The following AP1G1 variants were observed in gnomAD, a reference collection of about 807,000 sequenced individuals.
AP1G1 encodes the protein adaptor related protein complex 1 subunit gamma 1.
A neutral mutation model predicts 108.3 loss-of-function variants in AP1G1; 7 were observed. The ratio of observed to expected loss-of-function variants is 0.06; its 90% CI spans 0.04 to 0.12. The LOEUF is 0.12. Among genes scored for constraint, AP1G1 ranks in the 10% least tolerant of loss-of-function variants. The pLI is 1.00. For missense variants in AP1G1, 756 were observed against 1,010.7 expected, an observed-to-expected ratio of 0.75 and a Z score of 3.42; for synonymous variants, 379 against 353.5, an observed-to-expected ratio of 1.07 and a Z score of -0.81.
chr16:71,756,176 A>G lies in AP1G1; in HGVS notation c.1089-17T>C. 6.2e-7 allele frequency: 1 copy of G among 1,600,328 alleles called. No individual in the cohort carries two copies. The highest frequency in any genetic ancestry group is 1.1e-5 in the South Asian group (1 of 88,468). ...ATTGCACGCCTTGCAGAAGGGAAAA[A>G]TTAAAAACAGTTAAGAAATTTATAG... is the stretch of plus-strand genomic sequence containing the variant. On this transcript the variant is annotated splice_polypyrimidine_tract_variant and intron_variant, in intron 11 of 22. Coordinates refer to ENST00000299980, the MANE Select transcript of AP1G1 (RefSeq NM_001128.6).
chr16:71,792,058 G>C (rs2032422728), intron 1 of AP1G1, among the ~76,000 whole-genome samples: 1 of 152,088 alleles, frequency 6.6e-6, no homozygotes, highest in African/African-American at 2.4e-5. Flanking sequence ...CACCACGCCA[G>C]GCCAACACTA....
chr16:71,730,357 G>C lies in AP1G1; in HGVS notation c.*2701C>G, dbSNP rs1161937708. The C allele has an allele frequency of 6.6e-6, 1 of 152,270 alleles. No homozygotes were observed. Among genetic ancestry groups the C allele is most frequent in the Non-Finnish European group, 1.5e-5 (1 of 68,034 alleles). 9.4% of individuals were successfully genotyped at this position (152,270 alleles called of 1,614,324 possible). A position where few individuals can be genotyped will look rare whatever the true frequency, so the allele number is the denominator to read the frequency against. ...GACTCTTGAAGAGGGAAATAATGAAGTACAAGTGCATGTGAAATTGTCAAA... is the reference window on the plus strand; with the variant it reads ...GACTCTTGAAGAGGGAAATAATGAACTACAAGTGCATGTGAAATTGTCAAA... On this transcript the variant is annotated 3_prime_UTR_variant, in exon 23 of 23. Transcript: ENST00000299980.
chr16:71,808,703 C>G (rs746333549), intron 1 of AP1G1, 60 bp downstream of exon 1: 1 of 1,285,532 alleles, frequency 7.8e-7, no homozygotes, highest in South Asian at 1.2e-5. Context: ...CGGTCGAGCG[C>G]CCGCGGCAGC....
At chr16:71,796,221 GA>G (rs201981982) in intron 1 of AP1G1, among the ~76,000 whole-genome samples, 2,228 of 152,230 alleles carry the variant, frequency 0.015, 26 homozygotes, top group Non-Finnish European at 0.024. Flanking sequence ...CCTGGGTTGT[GA>G]AGTAAGACCG....
chr16:71,797,754 G>A (rs571645789), intron 1 of AP1G1, among the ~76,000 whole-genome samples: 5 of 152,098 alleles, frequency 3.3e-5, no homozygotes, highest in South Asian at 2.1e-4. Context: ...ACCTGAGATC[G>A]TGCCACTGCA....
intron 6 of AP1G1, chr16:71,766,410 G>A: frequency 4.3e-6 from 2 of 468,390 alleles, no homozygotes; most frequent in Non-Finnish European, 8.9e-6. Context: ...TTACTGCCAA[G>A]CCGAAGATGT....
chr16:71,733,295 A>G, intron 22 of AP1G1, 136 bp from the exon 23 acceptor site: 1 of 656,736 alleles, frequency 1.5e-6, no homozygotes, highest in Non-Finnish European at 2.6e-6. Context: ...CAGGTAAACA[A>G]CAACAAAAAA....
chr16:71,807,937 A>T, intron 1 of AP1G1: 2 of 1,269,090 alleles, frequency 1.6e-6, no homozygotes, highest in Non-Finnish European at 2.0e-6. Flanking sequence ...TCCACATATG[A>T]GAAAACATTT....
At chr16:71,783,539 AT>A (rs898116928) in intron 2 of AP1G1, among the ~76,000 whole-genome samples, 187 of 152,042 alleles carry the variant, frequency 1.2e-3, no homozygotes, top group African/African-American at 4.1e-3. Flanking sequence ...TTTAAAGGAA[AT>A]TTTTTTTTAA....
Position 71,753,827 on chromosome 16 carries a change from A to AC in AP1G1, c.1284+5dup, listed in dbSNP as rs747822211. On this transcript the variant is annotated splice_donor_region_variant and intron_variant, in intron 13 of 22. Transcript: ENST00000299980. Reference sequence around the variant, plus strand: ...TCGTATATGCTGTCTGAAAGAAGCTACTTACCGTTGTCAAAACACGCATAA... The same window carrying AC: ...TCGTATATGCTGTCTGAAAGAAGCTACCTTACCGTTGTCAAAACACGCATAA... 2 of 1,613,370 alleles carry AC rather than the reference A, an allele frequency of 1.2e-6. No individual in the cohort carries two copies. The highest frequency in any genetic ancestry group is 1.7e-6 in the Non-Finnish European group (2 of 1,179,250).
intron 16 of AP1G1, among the ~76,000 whole-genome samples, chr16:71,747,653 G>GA (rs958166802): frequency 1.4e-4 from 21 of 145,184 alleles, no homozygotes; most frequent in East Asian, 4.0e-4. Flanking sequence ...AACTTAAAAA[G>GA]AAAAAAAAAA....
intron 2 of AP1G1, among the ~76,000 whole-genome samples, chr16:71,774,893 G>A (rs537782955): frequency 1.7e-4 from 26 of 151,104 alleles, no homozygotes; most frequent in Admixed American, 1.7e-3. Context: ...GCTAATTTTT[G>A]CATTTTTAGT....
intron 1 of AP1G1, among the ~76,000 whole-genome samples, chr16:71,804,913 T>G (rs58956690): frequency 1.8e-4 from 28 of 152,022 alleles, no homozygotes; most frequent in African/African-American, 6.5e-4. Flanking sequence ...GAGGCTGAAG[T>G]GGGAGGATCA....
chr16:71,785,242 A>G (rs1448206233), intron 2 of AP1G1, among the ~76,000 whole-genome samples: 2 of 152,138 alleles, frequency 1.3e-5, no homozygotes, highest in Non-Finnish European at 2.9e-5. Flanking sequence ...TTTATAAAGT[A>G]GACTCACATA....
intron 11 of AP1G1, 53 bp downstream of exon 11, chr16:71,758,755 T>G: frequency 9.5e-7 from 1 of 1,049,978 alleles, no homozygotes; most frequent in South Asian, 1.4e-5. Flanking sequence ...ATCAATAATC[T>G]GTCACTCAAT....
At position 71,730,835 on chromosome 16, in the gene AP1G1, T is replaced by A. The variant is rs2045468976; in HGVS notation, c.*2223A>T. Reference sequence around the variant, plus strand: ...ATGATCATAAACTCTACCTCGAAACTATGATCACCCAAGGAAATGCTCTGT... The same window carrying A: ...ATGATCATAAACTCTACCTCGAAACAATGATCACCCAAGGAAATGCTCTGT... On this transcript the variant is annotated 3_prime_UTR_variant, in exon 23 of 23. Coordinates refer to ENST00000299980, the MANE Select transcript of AP1G1 (RefSeq NM_001128.6). 6.6e-6 allele frequency: 1 copy of A among 152,594 alleles called. No individual in the cohort carries two copies. Among genetic ancestry groups the A allele is most frequent in the Admixed American group, 6.5e-5 (1 of 15,284 alleles). The allele number at this position is 152,594 out of a possible 1,614,324, so 9.5% of individuals were successfully genotyped here. A position where few individuals can be genotyped will look rare whatever the true frequency, so the allele number is the denominator to read the frequency against.
intron 6 of AP1G1, among the ~76,000 whole-genome samples, chr16:71,769,232 G>A (rs150122753): frequency 0.014 from 2,134 of 150,892 alleles, 37 homozygotes; most frequent in African/African-American, 0.047. Flanking sequence ...GCAGTGAGCT[G>A]AGATCACGCC....
At chr16:71,762,888 G>C (rs995572635) in intron 9 of AP1G1, among the ~76,000 whole-genome samples, 3 of 152,202 alleles carry the variant, frequency 2.0e-5, no homozygotes, top group African/African-American at 7.2e-5. Flanking sequence ...ATCTGAGCTT[G>C]GGAGTGGCAT....
At chr16:71,758,682 A>C in intron 11 of AP1G1, 126 bp downstream of exon 11, 1 of 634,464 alleles carries the variant, frequency 1.6e-6, no homozygotes, top group East Asian at 2.8e-5. Flanking sequence ...ACAATGACTA[A>C]ATACATAAAT....
Sources: allele counts gnomAD v4.1 joint callset (sites outside exome capture counted in the v4.1 genomes callset), GRCh38; gene constraint gnomAD v4.1.1; transcripts MANE v1.5; gene names NCBI Gene and HGNC (gene_info 2026-07-23, HGNC 2026-07-21).